KDM4C: variants seen among roughly 807,000 people sequenced by gnomAD.
KDM4C encodes the protein lysine demethylase 4C.
A neutral mutation model predicts 129.3 loss-of-function variants in KDM4C; 81 were observed. The ratio of observed to expected loss-of-function variants is 0.63; its 90% CI spans 0.52 to 0.75. The LOEUF is 0.75. Among genes scored for constraint, KDM4C ranks in the 30% least tolerant of loss-of-function variants. The pLI is 0.00. For missense variants in KDM4C, 1,457 were observed against 1,304.0 expected (o/e 1.12, Z -1.81); for synonymous variants, 573 against 456.1 (o/e 1.26, Z -3.26).
intron 18 of KDM4C, 136 bp from the exon 19 acceptor site, chr9:7,127,930 A>G (rs1840190890): frequency 2.8e-6 from 2 of 712,398 alleles, no homozygotes; most frequent in Non-Finnish European, 2.1e-6. Context: ...TTATTCTTCA[A>G]TATTAAGTTA....
chr9:6,889,244 T>G (rs1217613817), intron 7 of KDM4C, among the ~76,000 whole-genome samples: 1 of 113,948 alleles, frequency 8.8e-6, no homozygotes, highest in African/African-American at 3.5e-5. Flanking sequence ...TGTGTGTGTG[T>G]GTGTGTGGGA....
Position 7,105,808 on chromosome 9 carries a change from T to C in KDM4C, c.2610+1938T>C, listed in dbSNP as rs193236522. Reference sequence around the variant, plus strand: ...TAATCAGGACCTCATTCCTCTTAACTCTCATGTGTGGTTCAGTCAAGTTTA... The same window carrying C: ...TAATCAGGACCTCATTCCTCTTAACCCTCATGTGTGGTTCAGTCAAGTTTA... On this transcript the variant is annotated intron_variant, in intron 18 of 21. Transcript: ENST00000381309. 3.2e-3 allele frequency among the ~76,000 whole-genome samples: 494 copies of C among 152,278 alleles called. 3 individuals carry two copies. Among genetic ancestry groups the C allele is most frequent in the African/African-American group, 0.011 (461 of 41,564 alleles).
intron 5 of KDM4C, among the ~76,000 whole-genome samples, chr9:6,852,950 T>C (rs1839128874): frequency 6.6e-6 from 1 of 152,074 alleles, no homozygotes; most frequent in Non-Finnish European, 1.5e-5. Flanking sequence ...ATCTCCCTCA[T>C]TTTCCCACCT....
intron 19 of KDM4C, among the ~76,000 whole-genome samples, chr9:7,148,788 C>A (rs1474024715): frequency 6.6e-6 from 1 of 152,116 alleles, no homozygotes; most frequent in Non-Finnish European, 1.5e-5. Context: ...GCAGGTAGTC[C>A]CAAGGAGTGT....
rs923396158 is a variant in KDM4C, at chr9:6,989,941, T to G, written c.1678-475T>G. ...AGGCATATGCCTCTATACCTGGCTA[T>G]TTTTTTTTTTTTAAATTATTGACAC... On this transcript the variant is annotated intron_variant, in intron 11 of 21. Transcript: ENST00000381309. Among the ~76,000 whole-genome samples, 7 of 6,008 alleles carry G rather than the reference T, an allele frequency of 1.2e-3. No homozygotes were observed. The East Asian group carries it at 0.038, about 33-fold the overall frequency. The allele number at this position is 6,008 out of a possible 152,430, so 3.9% of individuals were successfully genotyped here.
intron 4 of KDM4C, among the ~76,000 whole-genome samples, chr9:6,833,636 C>T (rs1273330355): frequency 6.6e-6 from 1 of 152,184 alleles, no homozygotes; most frequent in Non-Finnish European, 1.5e-5. Flanking sequence ...TAGTGTTTAG[C>T]TGGCAGGACA....
chr9:6,841,890 G>A (rs972062681), intron 4 of KDM4C, among the ~76,000 whole-genome samples: 1 of 152,210 alleles, frequency 6.6e-6, no homozygotes, highest in Non-Finnish European at 1.5e-5. Flanking sequence ...ACACAGTTTT[G>A]TTCAGGGCTG....
chr9:6,742,013 C>G (rs370707186), intron 1 of KDM4C, among the ~76,000 whole-genome samples: 2 of 148,842 alleles, frequency 1.3e-5, no homozygotes, highest in East Asian at 1.9e-4. Context: ...TGCTCTGTCA[C>G]CCAGGCTGAA....
chr9:6,907,659 G>C (rs1818563480), intron 8 of KDM4C, among the ~76,000 whole-genome samples: 1 of 152,002 alleles, frequency 6.6e-6, no homozygotes, highest in African/African-American at 2.4e-5. Flanking sequence ...TCTAATTAAG[G>C]GACATTTCAC....
chr9:6,871,094 C>T (rs768968753), intron 5 of KDM4C, among the ~76,000 whole-genome samples: 3 of 152,144 alleles, frequency 2.0e-5, no homozygotes, highest in Non-Finnish European at 2.9e-5. Flanking sequence ...TCCCAAAAAA[C>T]AATAGGGAAT....
chr9:6,835,904 T>TA (rs1216100503), intron 4 of KDM4C, among the ~76,000 whole-genome samples: 3 of 152,202 alleles, frequency 2.0e-5, no homozygotes, highest in Admixed American at 6.5e-5. Context: ...GACTTGTGTC[T>TA]AAGGAGAATG....
intron 2 of KDM4C, among the ~76,000 whole-genome samples, chr9:6,803,697 C>T: frequency 6.8e-6 from 1 of 147,900 alleles, no homozygotes; most frequent in Non-Finnish European, 1.5e-5. Context: ...CAGTTGAGCT[C>T]AGGAATTTGA....
chr9:6,752,796 C>G (rs1818116426), upstream of KDM4C, among the ~76,000 whole-genome samples: 1 of 152,142 alleles, frequency 6.6e-6, no homozygotes, highest in Non-Finnish European at 1.5e-5. Flanking sequence ...GCCAAGTGCT[C>G]TATTTCCTAT....
intron 12 of KDM4C, among the ~76,000 whole-genome samples, chr9:6,998,516 C>G (rs1328946283): frequency 6.6e-6 from 1 of 152,170 alleles, no homozygotes; most frequent in Admixed American, 6.5e-5. Context: ...TGTTTATAGG[C>G]TGGGTTTGGT....
intron 12 of KDM4C, among the ~76,000 whole-genome samples, chr9:7,002,502 C>G (rs192312216): frequency 3.3e-5 from 5 of 152,226 alleles, no homozygotes; most frequent in Admixed American, 2.0e-4. Flanking sequence ...ACTATTATTT[C>G]TCTTCAGATC....
At chr9:7,133,391 C>T (rs1457740241) in intron 19 of KDM4C, among the ~76,000 whole-genome samples, 1 of 152,026 alleles carries the variant, frequency 6.6e-6, no homozygotes, top group East Asian at 1.9e-4. Context: ...TAAGGTAGTC[C>T]CAGCATCTTT....
intron 1 of KDM4C, among the ~76,000 whole-genome samples, chr9:6,789,481 A>G (rs1826120701): frequency 6.6e-6 from 1 of 151,660 alleles, no homozygotes; most frequent in African/African-American, 2.4e-5. Context: ...CAGCCTCCCA[A>G]AGTGTTGGGA....
At chr9:6,946,850 T>C (rs548628559) in intron 8 of KDM4C, among the ~76,000 whole-genome samples, 3 of 152,228 alleles carry the variant, frequency 2.0e-5, no homozygotes, top group African/African-American at 7.2e-5. Context: ...TTATTTTTTG[T>C]TTCCTTTTTT....
chr9:6,814,858 C>A, intron 4 of KDM4C, 113 bp downstream of exon 4: 1 of 528,908 alleles, frequency 1.9e-6, no homozygotes, highest in Non-Finnish European at 3.3e-6. Context: ...ATCCATAATT[C>A]CTCAAAGGAC....
Sources: gnomAD v4.1 joint callset for allele counts (sites outside exome capture counted in the v4.1 genomes callset) on GRCh38, gnomAD v4.1.1 for gene constraint, MANE v1.5 for transcripts, NCBI Gene and HGNC (gene_info 2026-07-23, HGNC 2026-07-21) for gene names.